Variants in MARCHF11 observed in about 807,000 individuals in gnomAD.
The protein encoded by MARCHF11 is E3 ubiquitin-protein ligase MARCHF11.
MARCHF11 carries 29 observed loss-of-function variants against 37.3 expected under a neutral mutation model. The ratio of observed to expected loss-of-function variants is 0.78; its 90% CI spans 0.58 to 1.06. The LOEUF (loss-of-function observed/expected upper bound fraction) is 1.06. Ranked by LOEUF, MARCHF11 falls within the 50% of genes least tolerant of loss-of-function variation. The probability of loss-of-function intolerance (pLI) is 0.00; values close to 1 mark genes in which losing one functional copy is unlikely to be tolerated. For missense variants in MARCHF11, 482 were observed against 533.4 expected, an observed-to-expected ratio of 0.90 and a Z score of 0.95; for synonymous variants, 233 against 228.0, an observed-to-expected ratio of 1.02 and a Z score of -0.20.
chr5:16,110,768 T>C (rs945740722), intron 2 of MARCHF11, among the ~76,000 whole-genome samples: 2 of 152,212 alleles, frequency 1.3e-5, no homozygotes, highest in African/African-American at 4.8e-5. Context: ...ATAATCTGTA[T>C]CATATCGAAA....
chr5:16,102,757 T>A (rs1296371951), intron 2 of MARCHF11, among the ~76,000 whole-genome samples: 1 of 152,186 alleles, frequency 6.6e-6, no homozygotes, highest in Non-Finnish European at 1.5e-5. Context: ...CAAGAGGCTG[T>A]CACACTGACT....
chr5:16,179,158 C>A lies in MARCHF11; in HGVS notation c.418G>T (p.Glu140Ter). The change falls in exon 1 of 4, where the codon GAG becomes TAG. Residue 140 changes from glutamate to a stop codon, truncating the protein, a stop_gained. Transcript: ENST00000332432. LOFTEE classifies it high-confidence loss of function. ...RERRGAGDQP[E>*]TRSVCSSRSS... is the part of the protein sequence containing the mutation. ...CGGCTGCTGCACACCGAGCGCGTCT[C>A]GGGCTGGTCTCCGGCGCCCCGCCGC... 6.9e-7 allele frequency: 1 copy of A among 1,439,928 alleles called. No individual in the cohort carries two copies. The highest frequency in any genetic ancestry group is 1.4e-5 in the South Asian group (1 of 72,230). The allele number at this position is 1,439,928 out of a possible 1,614,324, so 89.2% of individuals were successfully genotyped here. A position where few individuals can be genotyped will look rare whatever the true frequency, so the allele number is the denominator to read the frequency against.
chr5:16,170,558 C>T (rs185839579), intron 2 of MARCHF11, among the ~76,000 whole-genome samples: 1 of 152,068 alleles, frequency 6.6e-6, no homozygotes, highest in East Asian at 1.9e-4. Context: ...GTAATGAATG[C>T]GATTTGTTTT....
intron 3 of MARCHF11, among the ~76,000 whole-genome samples, chr5:16,081,220 T>C (rs1183143376): frequency 6.6e-6 from 1 of 152,222 alleles, no homozygotes; most frequent in African/African-American, 2.4e-5. Context: ...GGCTGTCTCC[T>C]CTTCCTCAGG....
At chr5:16,100,361 C>T (rs1477927857) in intron 2 of MARCHF11, among the ~76,000 whole-genome samples, 1 of 152,204 alleles carries the variant, frequency 6.6e-6, no homozygotes. Context: ...AAAGGTAAAA[C>T]TGGCCCAAGG....
intron 3 of MARCHF11, among the ~76,000 whole-genome samples, chr5:16,069,237 G>A (rs564390986): frequency 6.6e-6 from 1 of 152,164 alleles, no homozygotes; most frequent in South Asian, 2.1e-4. Flanking sequence ...TAAAGTTTCA[G>A]AAAGAAACAA....
intron 3 of MARCHF11, among the ~76,000 whole-genome samples, chr5:16,071,710 T>G (rs914677593): frequency 6.6e-6 from 1 of 152,206 alleles, no homozygotes; most frequent in South Asian, 2.1e-4. Flanking sequence ...ACTTACAAAA[T>G]GTATGATCAA....
chr5:16,144,144 G>A (rs1252687676), intron 2 of MARCHF11, among the ~76,000 whole-genome samples: 4 of 152,210 alleles, frequency 2.6e-5, no homozygotes, highest in Non-Finnish European at 5.9e-5. Flanking sequence ...TTGAAATAAG[G>A]AGTTATTGAG....
intron 3 of MARCHF11, among the ~76,000 whole-genome samples, chr5:16,071,714 T>C (rs2126543327): frequency 6.6e-6 from 1 of 152,284 alleles, no homozygotes; most frequent in East Asian, 1.9e-4. Context: ...ACAAAATGTA[T>C]GATCAAATAC....
At chr5:16,177,689 A>C in intron 2 of MARCHF11, 37 bp downstream of exon 2, 1 of 1,558,648 alleles carries the variant, frequency 6.4e-7, no homozygotes, top group Non-Finnish European at 8.7e-7. Flanking sequence ...ATGTTAACAA[A>C]ATTATTTCAG....
rs191989267 is a variant in MARCHF11 at position 16,123,942 on chromosome 5, T to C, written c.694-32861A>G. 4.5e-3 allele frequency among the ~76,000 whole-genome samples: 692 copies of C among 152,244 alleles called. 3 individuals are homozygous for C. Among genetic ancestry groups the C allele is most frequent in the Non-Finnish European group, 6.9e-3 (471 of 68,028 alleles). ...ACATATGGATCAATGGGATAGAACATTTAAATCAGGACTGTGTGGGGGAAG... is the reference window on the plus strand; with the variant it reads ...ACATATGGATCAATGGGATAGAACACTTAAATCAGGACTGTGTGGGGGAAG... On this transcript the variant is annotated intron_variant, in intron 2 of 3. Coordinates refer to ENST00000332432, the MANE Select transcript of MARCHF11 (RefSeq NM_001102562.3).
intron 2 of MARCHF11, among the ~76,000 whole-genome samples, chr5:16,114,997 T>C (rs1033573377): frequency 6.6e-6 from 1 of 152,170 alleles, no homozygotes; most frequent in African/African-American, 2.4e-5. Context: ...AGCATTTAAC[T>C]GCACATCGTG....
At chr5:16,179,018 C>T (rs779938124) in intron 1 of MARCHF11, 21 bp downstream of exon 1, 1 of 1,426,704 alleles carries the variant, frequency 7.0e-7, no homozygotes, top group Non-Finnish European at 9.1e-7. Context: ...CCGGCTGCCT[C>T]GGGGTCTCGC....
chr5:16,126,987 C>T (rs2126581208), intron 2 of MARCHF11, among the ~76,000 whole-genome samples: 1 of 152,254 alleles, frequency 6.6e-6, no homozygotes, highest in African/African-American at 2.4e-5. Context: ...GCTTACATCA[C>T]CTTAGCTCAG....
At chr5:16,146,361 G>T (rs1737794687) in intron 2 of MARCHF11, among the ~76,000 whole-genome samples, 1 of 152,188 alleles carries the variant, frequency 6.6e-6, no homozygotes, top group Non-Finnish European at 1.5e-5. Context: ...AAAACAAGGT[G>T]CAGTTAAGCA....
intron 2 of MARCHF11, among the ~76,000 whole-genome samples, chr5:16,176,450 A>T (rs1176817916): frequency 6.6e-6 from 1 of 152,214 alleles, no homozygotes; most frequent in Non-Finnish European, 1.5e-5. Flanking sequence ...TAGTTCAATC[A>T]GAGGTTCTTG....
intron 2 of MARCHF11, among the ~76,000 whole-genome samples, chr5:16,145,282 T>G (rs1215971852): frequency 6.6e-6 from 1 of 152,104 alleles, no homozygotes; most frequent in East Asian, 1.9e-4. Flanking sequence ...GGTTGGTAGG[T>G]GGGGCCAGGT....
At chr5:16,116,018 T>C (rs1296251049) in intron 2 of MARCHF11, among the ~76,000 whole-genome samples, 1 of 152,174 alleles carries the variant, frequency 6.6e-6, no homozygotes, top group Non-Finnish European at 1.5e-5. Context: ...AGGTAGAGAA[T>C]CATTAGCAGT....
intron 2 of MARCHF11, among the ~76,000 whole-genome samples, chr5:16,109,363 G>A (rs910483844): frequency 1.3e-5 from 2 of 152,122 alleles, no homozygotes; most frequent in Admixed American, 1.3e-4. Context: ...GGTTGAGTCC[G>A]TCACCAATGA....
Sources: gnomAD v4.1 joint callset for allele counts (sites outside exome capture counted in the v4.1 genomes callset) on GRCh38, gnomAD v4.1.1 for gene constraint, MANE v1.5 for transcripts, NCBI Gene and HGNC (gene_info 2026-07-23, HGNC 2026-07-21) for gene names.